The following IGFL2 variants were observed in gnomAD, a reference collection of about 807,000 sequenced individuals.
The protein encoded by IGFL2 is IGF like family member 2.
Under a neutral mutation model 13.9 loss-of-function variants are expected in IGFL2, and 7 were observed. The observed-to-expected ratio is 0.51, with a 90% CI of 0.29 to 0.95. The LOEUF is 0.95. Ranked by LOEUF, IGFL2 falls within the 40% of genes least tolerant of loss-of-function variation. IGFL2 has a pLI of 0.08. For missense variants in IGFL2, 138 were observed against 147.8 expected (o/e 0.93, Z 0.34); for synonymous variants, 55 against 55.8 (o/e 0.99, Z 0.07).
the IGFL2 span, among the ~76,000 whole-genome samples, chr19:46,132,203 G>A: frequency 3.9e-5 from 6 of 152,234 alleles, no homozygotes; most frequent in Non-Finnish European, 8.8e-5. Flanking sequence ...GCATGCTACG[G>A]TTTTGGGTTC....
chr19:46,131,856 T>G, the IGFL2 span, among the ~76,000 whole-genome samples: 1 of 152,128 alleles, frequency 6.6e-6, no homozygotes, highest in South Asian at 2.1e-4. Flanking sequence ...GGAGAGTCGC[T>G]TGAACCCAGG....
At chr19:46,145,128 G>A (rs144193860), upstream of IGFL2, among the ~76,000 whole-genome samples, 871 of 151,930 alleles carry the variant, frequency 5.7e-3, 4 homozygotes, top group Non-Finnish European at 8.4e-3. Flanking sequence ...CATTTCTCTG[G>A]GATAAATACA....
chr19:46,086,576 G>A, the IGFL2 span, among the ~76,000 whole-genome samples: 15 of 152,220 alleles, frequency 9.9e-5, no homozygotes, highest in East Asian at 1.5e-3. Context: ...TGCCTACTTC[G>A]GCCTCCCAAA....
chr19:46,181,740 G>A, the IGFL2 span, among the ~76,000 whole-genome samples: 1 of 152,196 alleles, frequency 6.6e-6, no homozygotes, highest in African/African-American at 2.4e-5. Flanking sequence ...TGGAGAGACG[G>A]GTTTGAGGAG....
the IGFL2 span, among the ~76,000 whole-genome samples, chr19:46,167,005 G>T: frequency 1.3e-5 from 2 of 152,304 alleles, no homozygotes; most frequent in Admixed American, 1.3e-4. Context: ...AGGATTAAGA[G>T]ATTAAAGTAA....
At chr19:46,105,284 A>G in the IGFL2 span, among the ~76,000 whole-genome samples, 1 of 152,200 alleles carries the variant, frequency 6.6e-6, no homozygotes, top group Non-Finnish European at 1.5e-5. Flanking sequence ...TCCTTTTGCA[A>G]GAGTGAGGGC....
At chr19:46,172,676 C>T in the IGFL2 span, among the ~76,000 whole-genome samples, 1,172 of 152,174 alleles carry the variant, frequency 7.7e-3, 21 homozygotes, top group African/African-American at 0.026. Flanking sequence ...GAAACAAGGA[C>T]TAAGTTAGAT....
At chr19:46,170,871 A>G in the IGFL2 span, among the ~76,000 whole-genome samples, 3 of 152,210 alleles carry the variant, frequency 2.0e-5, no homozygotes, top group South Asian at 2.1e-4. Flanking sequence ...ATCAATGACA[A>G]TGTGTGCACG....
the IGFL2 span, among the ~76,000 whole-genome samples, chr19:46,114,394 G>A: frequency 6.6e-6 from 1 of 152,180 alleles, no homozygotes. Context: ...AAGTGATGGT[G>A]GCTGACTTCT....
the IGFL2 span, among the ~76,000 whole-genome samples, chr19:46,189,457 G>A: frequency 6.6e-6 from 1 of 152,110 alleles, no homozygotes; most frequent in Non-Finnish European, 1.5e-5. Context: ...ACAAGAGGTG[G>A]TGGAGCAGAG....
At chr19:46,110,406 G>A in the IGFL2 span, among the ~76,000 whole-genome samples, 4 of 152,110 alleles carry the variant, frequency 2.6e-5, no homozygotes, top group Admixed American at 2.6e-4. Flanking sequence ...TTTGGCTGAG[G>A]ATGGGGGCTC....
chr19:46,209,764 G>A, the IGFL2 span: 1 of 152,106 alleles, frequency 6.6e-6, no homozygotes, highest in African/African-American at 2.4e-5. Flanking sequence ...ACACAGGAAG[G>A]GATTAAATTC....
the IGFL2 span, chr19:46,203,978 A>G: frequency 3.4e-4 from 52 of 152,172 alleles, 1 homozygote; most frequent in African/African-American, 1.3e-3. Flanking sequence ...CGGCCTCCCA[A>G]AGTGCTAGGA....
the IGFL2 span, among the ~76,000 whole-genome samples, chr19:46,172,963 A>G: frequency 1.3e-5 from 2 of 152,116 alleles, no homozygotes; most frequent in Non-Finnish European, 2.9e-5. Context: ...ATAGGTTTAT[A>G]TTGGTTGATC....
the IGFL2 span, chr19:46,203,007 C>G: frequency 1.3e-5 from 2 of 152,162 alleles, no homozygotes; most frequent in Admixed American, 6.5e-5. Flanking sequence ...GAGAGTCCAC[C>G]AACAGGCTTT....
At chr19:46,160,994 T>C in intron 3 of IGFL2, 76 bp from the exon 4 acceptor site, 1 of 1,538,416 alleles carries the variant, frequency 6.5e-7, no homozygotes, top group East Asian at 2.3e-5. Context: ...TAGTCTAATC[T>C]CTAGCAGTTT....
chr19:46,153,579 A>G (rs1411938467), intron 1 of IGFL2, among the ~76,000 whole-genome samples: 1 of 151,990 alleles, frequency 6.6e-6, no homozygotes, highest in Non-Finnish European at 1.5e-5. Flanking sequence ...TTATGCCATT[A>G]CTTTTAAGAC....
chr19:46,205,290 A>G, the IGFL2 span, among the ~76,000 whole-genome samples: 1 of 152,236 alleles, frequency 6.6e-6, no homozygotes, highest in East Asian at 1.9e-4. Flanking sequence ...AAGCTTCCAC[A>G]GGTGAATGCC....
intron 1 of IGFL2, among the ~76,000 whole-genome samples, chr19:46,152,159 A>G (rs1973531528): frequency 6.6e-6 from 1 of 151,574 alleles, no homozygotes. Context: ...TCATATTTAG[A>G]TGGTTTTTTA....
Sources: gnomAD v4.1 joint callset for allele counts (sites outside exome capture counted in the v4.1 genomes callset) on GRCh38, gnomAD v4.1.1 for gene constraint, MANE v1.5 for transcripts, NCBI Gene and HGNC (gene_info 2026-07-23, HGNC 2026-07-21) for gene names.